The following UTY variants were observed in gnomAD, a reference collection of about 807,000 sequenced individuals.
The protein encoded by UTY is histone demethylase UTY.
UTY carries 12 observed loss-of-function variants against 32.5 expected under a neutral mutation model. The observed-to-expected ratio is 0.37, with a 90% CI of 0.24 to 0.60. The LOEUF (loss-of-function observed/expected upper bound fraction) is 0.60. Ranked by LOEUF, UTY falls within the 20% of genes least tolerant of loss-of-function variation. The pLI, the probability that UTY is intolerant of heterozygous loss-of-function variation, is 0.69. For missense variants in UTY, 303 were observed against 299.2 expected, an observed-to-expected ratio of 1.01 and a Z score of -0.09; for synonymous variants, 131 against 103.4, an observed-to-expected ratio of 1.27 and a Z score of -1.62.
chrY:13,338,521 T>C (rs1603420865), intron 17 of UTY, among the ~76,000 whole-genome samples: 1 of 23,774 alleles, frequency 4.2e-5, no homozygotes, highest in African/African-American at 1.7e-4. Flanking sequence ...GTTTCAAAAA[T>C]GGAAAAAAAA....
chrY:13,343,025 A>G (rs2061606956), intron 17 of UTY, among the ~76,000 whole-genome samples: 1 of 33,758 alleles, frequency 3.0e-5, no homozygotes, highest in Non-Finnish European at 7.4e-5. Flanking sequence ...AGAGCAGGAC[A>G]TGGCCTTCAA....
At chrY:13,385,940 A>C in intron 8 of UTY, among the ~76,000 whole-genome samples, 1 of 31,951 alleles carries the variant, frequency 3.1e-5, no homozygotes, top group Non-Finnish European at 7.6e-5. Context: ...TGATTATTTC[A>C]CCTTTGCCAT....
chrY:13,379,897 GGTGTGTGT>G (rs59144905), intron 8 of UTY, among the ~76,000 whole-genome samples: 1 of 16,821 alleles, frequency 5.9e-5, no homozygotes, highest in Non-Finnish European at 1.2e-4. Context: ...AACATTAAGG[GGTGTGTGT>G]GTGTGTGTGT....
At chrY:13,453,743 A>C (rs2076505028) in intron 3 of UTY, among the ~76,000 whole-genome samples, 1 of 33,707 alleles carries the variant, frequency 3.0e-5, no homozygotes, top group African/African-American at 1.2e-4. Context: ...TTCACACTGT[A>C]ATAGTTACAA....
intron 4 of UTY, among the ~76,000 whole-genome samples, chrY:13,417,573 T>C (rs757312511): frequency 1.1e-3 from 36 of 33,661 alleles, no homozygotes; most frequent in African/African-American, 3.7e-3. Flanking sequence ...TGGGGCATTG[T>C]GGAGATCCTG....
intron 27 of UTY, among the ~76,000 whole-genome samples, chrY:13,275,924 A>T: frequency 3.0e-5 from 1 of 33,839 alleles, no homozygotes. Context: ...CTTTGTCTCT[A>T]ACTAGGTACA....
chrY:13,363,302 C>T, intron 10 of UTY, among the ~76,000 whole-genome samples: 2 of 32,441 alleles, frequency 6.2e-5, no homozygotes, highest in Non-Finnish European at 1.5e-4. Context: ...CTCACAACCT[C>T]AGCCTTCCCA....
At chrY:13,346,943 A>G in intron 17 of UTY, among the ~76,000 whole-genome samples, 1 of 33,363 alleles carries the variant, frequency 3.0e-5, no homozygotes, top group African/African-American at 1.2e-4. Context: ...AAAAGTACCA[A>G]CCGGTATCCC....
intron 7 of UTY, among the ~76,000 whole-genome samples, chrY:13,395,266 C>T: frequency 3.1e-5 from 1 of 32,247 alleles, no homozygotes; most frequent in African/African-American, 1.2e-4. Flanking sequence ...CCTTTTCAAA[C>T]AGAGTTTTCC....
At chrY:13,281,314 A>G (rs2057002979) in intron 27 of UTY, among the ~76,000 whole-genome samples, 4 of 34,034 alleles carry the variant, frequency 1.2e-4, no homozygotes, top group Non-Finnish European at 2.9e-4. Context: ...TTAAGTTGTC[A>G]TCAGTATCAC....
intron 17 of UTY, among the ~76,000 whole-genome samples, chrY:13,339,639 G>T: frequency 6.0e-5 from 2 of 33,528 alleles, no homozygotes; most frequent in Non-Finnish European, 1.5e-4. Flanking sequence ...TCAGGAATGC[G>T]GGAGGTGTGT....
chrY:13,329,171 T>A (rs745509973), intron 18 of UTY, among the ~76,000 whole-genome samples: 3 of 33,468 alleles, frequency 9.0e-5, no homozygotes, highest in African/African-American at 3.5e-4. Context: ...ACACGTGACA[T>A]CTTAAGATCT....
chrY:13,265,374 G>A (rs964453722), intron 27 of UTY, among the ~76,000 whole-genome samples: 3 of 33,936 alleles, frequency 8.8e-5, no homozygotes, highest in Admixed American at 2.7e-4. Context: ...CTATCCATGA[G>A]CATCGAATGT....
chrY:13,387,485 A>G, intron 8 of UTY, among the ~76,000 whole-genome samples: 1 of 33,955 alleles, frequency 2.9e-5, no homozygotes, highest in Admixed American at 2.7e-4. Context: ...ACTAGTCAGA[A>G]AAGGTTTTCC....
In UTY at chrY:13,366,404, G is replaced by A; in HGVS notation, c.740-11C>T. The A allele has an allele frequency of 2.9e-6, 1 of 349,624 alleles. No individual in the cohort carries two copies. The highest frequency in any genetic ancestry group is 3.9e-6 in the Non-Finnish European group (1 of 257,030). 87.2% of individuals were successfully genotyped at this position (349,624 alleles called of 400,897 possible). ...TATGATGCATCCAACCTATAATTAA[G>A]AAGTTATAAGCATTTACCCATCATT... On this transcript the variant is annotated splice_polypyrimidine_tract_variant and intron_variant, in intron 9 of 29. Transcript: ENST00000545955.
Position 13,410,981 on chromosome Y carries a change from T to G in UTY, c.555+12A>C, listed in dbSNP as rs779124612. ...TGAAATTGTGTATGTGGGAAAAATC[T>G]CAACCACCTACCTTTAAACTAGACT... is the stretch of plus-strand genomic sequence containing the variant. On this transcript the variant is annotated intron_variant, in intron 6 of 29. Transcript: ENST00000545955. 4 of 397,422 alleles carry G rather than the reference T, an allele frequency of 1.0e-5. No individual in the cohort carries two copies. In the South Asian group the frequency reaches 1.2e-4, roughly 12 times the overall value.
At chrY:13,469,168 C>T (rs961615123) in intron 3 of UTY, among the ~76,000 whole-genome samples, 11 of 31,210 alleles carry the variant, frequency 3.5e-4, no homozygotes, top group Non-Finnish European at 7.7e-4. Flanking sequence ...ATGAAAAGTA[C>T]ACAATTTTTA....
intron 3 of UTY, among the ~76,000 whole-genome samples, chrY:13,467,612 T>C (rs2078035712): frequency 3.2e-5 from 1 of 31,589 alleles, no homozygotes; most frequent in South Asian, 7.1e-4. Flanking sequence ...CTACTAAAAA[T>C]ACAAAAATTA....
At chrY:13,245,347 C>T (rs376318429), downstream of UTY, among the ~76,000 whole-genome samples, 133 of 33,731 alleles carry the variant, frequency 3.9e-3, no homozygotes, top group East Asian at 0.086. Context: ...TCTTTTAGCT[C>T]GTTTTCCCTC....
Sources: allele counts gnomAD v4.1 joint callset (sites outside exome capture counted in the v4.1 genomes callset), GRCh38; gene constraint gnomAD v4.1.1; transcripts MANE v1.5; gene names NCBI Gene and HGNC (gene_info 2026-07-23, HGNC 2026-07-21).